TBC1D2B: variants seen among roughly 807,000 people sequenced by gnomAD.
TBC1D2B encodes the protein TBC1 domain family, member 2B.
TBC1D2B carries 64 observed loss-of-function variants against 100.8 expected under a neutral mutation model. The observed-to-expected ratio is 0.64, with a 90% CI of 0.52 to 0.78. The LOEUF (loss-of-function observed/expected upper bound fraction) is 0.78, where lower values mean the gene tolerates loss of function less well. Ranked by LOEUF, TBC1D2B falls within the 30% of genes least tolerant of loss-of-function variation. TBC1D2B has a pLI of 0.00. For synonymous variants in TBC1D2B, 480 were observed against 479.7 expected, an observed-to-expected ratio of 1.00 and a Z score of -0.01; for missense variants, 1,052 against 1,218.4, an observed-to-expected ratio of 0.86 and a Z score of 2.03.
In TBC1D2B at chr15:78,058,457, T is replaced by C. The variant is rs1225458856; in HGVS notation, c.361-4270A>G. ...TGTCCAAGGAGAGGCCAACATTCTT[T>C]AGGAACCCAGGCATCTGCTGGTCTG... On this transcript the variant is annotated intron_variant, in intron 1 of 12. Coordinates refer to ENST00000300584, the MANE Select transcript of TBC1D2B (RefSeq NM_144572.2). 2.0e-5 allele frequency among the ~76,000 whole-genome samples: 3 copies of C among 152,364 alleles called. No homozygotes were observed. The East Asian group carries it at 5.8e-4, about 29-fold the overall frequency.
At chr15:78,057,479 T>C (rs1402937921) in intron 1 of TBC1D2B, among the ~76,000 whole-genome samples, 2 of 152,128 alleles carry the variant, frequency 1.3e-5, no homozygotes, top group Admixed American at 6.5e-5. Context: ...CCGTCTCTAC[T>C]AAAAGTATTT....
At chr15:78,033,345 G>A (rs1041084000) in intron 3 of TBC1D2B, among the ~76,000 whole-genome samples, 10 of 152,206 alleles carry the variant, frequency 6.6e-5, no homozygotes, top group East Asian at 1.9e-4. Flanking sequence ...AATAAAATAC[G>A]AAAACACCAA....
At position 78,075,433 on chromosome 15, in the gene TBC1D2B, C is replaced by T. The variant is rs147352863; in HGVS notation, c.360+1860G>A. On this transcript the variant is annotated intron_variant, in intron 1 of 12. Transcript: ENST00000300584. Reference sequence around the variant, plus strand: ...CAGGATGGTCTCGAGCTCCTGACCTCGTGATCCACCCGTCTCGGCCTCCCA... The same window carrying T: ...CAGGATGGTCTCGAGCTCCTGACCTTGTGATCCACCCGTCTCGGCCTCCCA... 1.4e-3 allele frequency among the ~76,000 whole-genome samples: 213 copies of T among 152,130 alleles called. 3 individuals are homozygous for T. Among genetic ancestry groups the T allele is most frequent in the African/African-American group, 4.7e-3 (194 of 41,478 alleles).
At chr15:78,023,028 C>T (rs960120424) in intron 6 of TBC1D2B, among the ~76,000 whole-genome samples, 10 of 152,150 alleles carry the variant, frequency 6.6e-5, no homozygotes, top group Non-Finnish European at 8.8e-5. Flanking sequence ...GCCATGATTC[C>T]GGTGTTTTTA....
chr15:78,024,211 C>T lies in TBC1D2B; in HGVS notation c.1415G>A (p.Ser472Asn). 6.2e-7 allele frequency: 1 copy of T among 1,613,870 alleles called. No individual in the cohort carries two copies. The highest frequency in any genetic ancestry group is 8.5e-7 in the Non-Finnish European group (1 of 1,179,896). ...GNGPPPTVAP[S>N]SPSVVPVARD... ...GGCAACAGGCACAACCGAAGGGGAG[C>T]TGGGCGCCACGGTGGGAGGAGGCCC... Residue 472 changes from serine to asparagine, a missense_variant, in exon 6 of 13, where the codon AGC (serine) becomes AAC (asparagine). Transcript: ENST00000300584.
intron 2 of TBC1D2B, among the ~76,000 whole-genome samples, chr15:78,046,401 ACTT>A (rs1360971258): frequency 1.3e-5 from 2 of 152,208 alleles, no homozygotes; most frequent in Non-Finnish European, 2.9e-5. Context: ...TTTGATCTAC[ACTT>A]CTTTTTAAAA....
chr15:78,073,888 G>A lies in TBC1D2B; in HGVS notation c.360+3405C>T, dbSNP rs939561502. ...GAAGGCTGAGGCAGGAGAATTGCTT[G>A]AACCCGGGAGCCAGAGGTTGCAGTT... On this transcript the variant is annotated intron_variant, in intron 1 of 12. Coordinates refer to ENST00000300584, the MANE Select transcript of TBC1D2B (RefSeq NM_144572.2). 4.6e-5 allele frequency among the ~76,000 whole-genome samples: 7 copies of A among 151,538 alleles called. No homozygotes were observed. In the South Asian group the frequency reaches 6.3e-4, roughly 14 times the overall value.
At chr15:78,014,494 C>T (rs530866224) in intron 8 of TBC1D2B, among the ~76,000 whole-genome samples, 13 of 152,294 alleles carry the variant, frequency 8.5e-5, no homozygotes, top group African/African-American at 2.9e-4. Context: ...CATGATGGTC[C>T]TTGCATCACT....
intron 2 of TBC1D2B, 153 bp downstream of exon 2, chr15:78,053,881 A>C: frequency 4.6e-6 from 4 of 866,142 alleles, no homozygotes; most frequent in Non-Finnish European, 6.9e-6. Context: ...TTGTACATGG[A>C]GGCGCTGGGT....
intron 1 of TBC1D2B, among the ~76,000 whole-genome samples, chr15:78,056,528 G>T (rs1367253433): frequency 2.6e-5 from 4 of 152,208 alleles, no homozygotes; most frequent in African/African-American, 9.7e-5. Flanking sequence ...AGGCAGGCTG[G>T]TTGCAGTGCA....
intron 6 of TBC1D2B, among the ~76,000 whole-genome samples, chr15:78,022,458 A>G (rs2072538874): frequency 6.6e-6 from 1 of 152,240 alleles, no homozygotes; most frequent in Admixed American, 6.5e-5. Context: ...TGTATATTCA[A>G]TGTTGTGTAC....
chr15:78,065,623 G>A (rs1183932636), intron 1 of TBC1D2B, among the ~76,000 whole-genome samples: 1 of 152,202 alleles, frequency 6.6e-6, no homozygotes, highest in Admixed American at 6.5e-5. Flanking sequence ...ATGAGCTCAG[G>A]ATAAATAACA....
chr15:78,040,888 G>GAAAGAA (rs1567026304), intron 3 of TBC1D2B, among the ~76,000 whole-genome samples: 2 of 122,398 alleles, frequency 1.6e-5, no homozygotes, highest in Admixed American at 8.1e-5. Context: ...GAAAGAGAGA[G>GAAAGAA]AGAGAGAAAG....
In TBC1D2B at chr15:77,995,377, T is replaced by G. The variant is rs1217503058; in HGVS notation, c.*2783A>C. 6.6e-6 allele frequency: 1 copy of G among 152,374 alleles called. No homozygotes were observed. Among genetic ancestry groups the G allele is most frequent in the East Asian group, 1.9e-4 (1 of 5,204 alleles). The allele number at this position is 152,374 out of a possible 1,614,324, so 9.4% of individuals were successfully genotyped here. ...TCCAGCTGTCAGCAGTCTTGGCGGCTACTGTACAGCTGTCAGCATGACTAC... is the reference window on the plus strand; with the variant it reads ...TCCAGCTGTCAGCAGTCTTGGCGGCGACTGTACAGCTGTCAGCATGACTAC... On this transcript the variant is annotated 3_prime_UTR_variant, in exon 13 of 13. Coordinates refer to ENST00000300584, the MANE Select transcript of TBC1D2B (RefSeq NM_144572.2).
rs548226530 is a variant in TBC1D2B, at chr15:78,005,831, GA to G, written c.2389-2342del. On this transcript the variant is annotated intron_variant, in intron 10 of 12. Coordinates refer to ENST00000300584, the MANE Select transcript of TBC1D2B (RefSeq NM_144572.2). ...ATCTATTACTTGTATAGTCAGGGGG[GA>G]AAAAGTCTCCTTAGATTTTACATTT... Among the ~76,000 whole-genome samples the G allele has an allele frequency of 3.2e-4, 49 of 152,216 alleles. No homozygotes were observed. In the South Asian group the frequency reaches 5.4e-3, roughly 17 times the overall value.
chr15:78,013,780 C>T (rs1273778885), intron 8 of TBC1D2B, among the ~76,000 whole-genome samples: 4 of 152,058 alleles, frequency 2.6e-5, no homozygotes, highest in African/African-American at 4.8e-5. Context: ...AGGATGTTCA[C>T]GTCCCAGTTA....
At chr15:78,017,766 G>T in intron 7 of TBC1D2B, 81 bp downstream of exon 7, 1 of 892,718 alleles carries the variant, frequency 1.1e-6, no homozygotes, top group Non-Finnish European at 1.7e-6. Flanking sequence ...GAGTTGAACC[G>T]CTTTGTAAAG....
intron 3 of TBC1D2B, chr15:78,034,596 T>C (rs924693266): frequency 4.9e-5 from 48 of 984,736 alleles, no homozygotes; most frequent in Non-Finnish European, 5.8e-5. Context: ...GTAATTTCAG[T>C]GACTTAGAAC....
chr15:78,007,586 G>C (rs2072101076), intron 10 of TBC1D2B, among the ~76,000 whole-genome samples: 1 of 152,204 alleles, frequency 6.6e-6, no homozygotes, highest in Non-Finnish European at 1.5e-5. Flanking sequence ...AAATGCGAAT[G>C]CAAAGAACAC....
Sources: gnomAD v4.1 joint callset for allele counts (sites outside exome capture counted in the v4.1 genomes callset) on GRCh38, gnomAD v4.1.1 for gene constraint, MANE v1.5 for transcripts, NCBI Gene and HGNC (gene_info 2026-07-23, HGNC 2026-07-21) for gene names.